BLTP3A: variants seen among roughly 807,000 people sequenced by gnomAD.
The protein encoded by BLTP3A is bridge-like lipid transfer protein family member 3A.
chr6:34,851,122 T>C, the BLTP3A span, among the ~76,000 whole-genome samples: 1 of 152,202 alleles, frequency 6.6e-6, no homozygotes, highest in Non-Finnish European at 1.5e-5. Flanking sequence ...AATTCTCTGT[T>C]ACTCCAGGTT....
the BLTP3A span, among the ~76,000 whole-genome samples, chr6:34,833,486 G>A: frequency 6.6e-6 from 1 of 151,288 alleles, no homozygotes; most frequent in Non-Finnish European, 1.5e-5. Flanking sequence ...TCTCTTTTCT[G>A]TAGTTATACT....
the BLTP3A span, among the ~76,000 whole-genome samples, chr6:34,811,093 T>C: frequency 2.0e-5 from 3 of 152,206 alleles, no homozygotes; most frequent in African/African-American, 4.8e-5. Flanking sequence ...CACACAAACA[T>C]AGACTGTGCG....
the BLTP3A span, among the ~76,000 whole-genome samples, chr6:34,844,400 G>A: frequency 1.3e-5 from 2 of 152,068 alleles, no homozygotes; most frequent in African/African-American, 2.4e-5. Context: ...TCACCCTCCC[G>A]AGTAGCTGGG....
chr6:34,868,311 A>AAT, the BLTP3A span, among the ~76,000 whole-genome samples: 21 of 149,352 alleles, frequency 1.4e-4, no homozygotes, highest in East Asian at 4.0e-4. Context: ...TGTCTCAAAA[A>AAT]ATATATATAT....
the BLTP3A span, chr6:34,870,863 T>C: frequency 6.2e-7 from 1 of 1,613,992 alleles, no homozygotes; most frequent in African/African-American, 1.3e-5. Flanking sequence ...GGTACATGCT[T>C]TCAGGAATCC....
At chr6:34,829,129 T>A in the BLTP3A span, among the ~76,000 whole-genome samples, 2 of 151,586 alleles carry the variant, frequency 1.3e-5, no homozygotes, top group Non-Finnish European at 2.9e-5. Context: ...ACCATAACAT[T>A]CATCCATGTG....
the BLTP3A span, among the ~76,000 whole-genome samples, chr6:34,868,572 A>G: frequency 2.0e-5 from 3 of 151,050 alleles, no homozygotes; most frequent in African/African-American, 2.4e-5. Context: ...AAATACAAAA[A>G]AATTAGCTAG....
At chr6:34,834,309 C>T in the BLTP3A span, 4 of 1,613,996 alleles carry the variant, frequency 2.5e-6, no homozygotes, top group African/African-American at 5.3e-5. Context: ...TTCCACGCTT[C>T]TTTTGAATTG....
chr6:34,852,089 C>T, the BLTP3A span, among the ~76,000 whole-genome samples: 2 of 151,902 alleles, frequency 1.3e-5, no homozygotes, highest in Admixed American at 6.6e-5. Context: ...AATCGGGGAC[C>T]CCAGGAGCCT....
the BLTP3A span, chr6:34,867,575 G>A: frequency 1.9e-6 from 3 of 1,613,728 alleles, no homozygotes; most frequent in Non-Finnish European, 1.7e-6. Context: ...CAGCAGCTGG[G>A]CACCGTGGGA....
chr6:34,863,658 A>G, the BLTP3A span, among the ~76,000 whole-genome samples: 1 of 152,306 alleles, frequency 6.6e-6, no homozygotes, highest in African/African-American at 2.4e-5. Context: ...TACTTATGGA[A>G]TGAATGCAGG....
chr6:34,858,431 A>G, the BLTP3A span: 1 of 1,614,040 alleles, frequency 6.2e-7, no homozygotes, highest in Non-Finnish European at 8.5e-7. Context: ...GCTTCCTGGG[A>G]TCTCTGGTCT....
At chr6:34,810,597 T>C in the BLTP3A span, among the ~76,000 whole-genome samples, 1 of 152,154 alleles carries the variant, frequency 6.6e-6, no homozygotes, top group Non-Finnish European at 1.5e-5. Flanking sequence ...GCCTACTGAG[T>C]AGCTGGGACC....
the BLTP3A span, among the ~76,000 whole-genome samples, chr6:34,826,029 T>C: frequency 8.3e-3 from 434 of 52,102 alleles, 17 homozygotes; most frequent in African/African-American, 0.069. Context: ...ATTTTGCATT[T>C]TTTTTTTTTT....
the BLTP3A span, chr6:34,864,169 G>A: frequency 6.2e-7 from 1 of 1,614,114 alleles, no homozygotes; most frequent in Non-Finnish European, 8.5e-7. Flanking sequence ...AGTGATGGCA[G>A]TGATAGCTTT....
chr6:34,858,912 G>A, the BLTP3A span: 1 of 1,614,066 alleles, frequency 6.2e-7, no homozygotes, highest in Admixed American at 1.7e-5. Flanking sequence ...AGGAGCAGCT[G>A]ACTAAGGATA....
the BLTP3A span, among the ~76,000 whole-genome samples, chr6:34,813,083 A>G: frequency 6.6e-6 from 1 of 152,136 alleles, no homozygotes; most frequent in African/African-American, 2.4e-5. Context: ...GGACCTTTTT[A>G]TTTCTCCCAG....
At chr6:34,841,113 G>A in the BLTP3A span, among the ~76,000 whole-genome samples, 1 of 152,036 alleles carries the variant, frequency 6.6e-6, no homozygotes, top group African/African-American at 2.4e-5. Flanking sequence ...GGGACTATAG[G>A]CACATGCCAC....
chr6:34,821,434 G>GC, the BLTP3A span: 2 of 409,316 alleles, frequency 4.9e-6, no homozygotes, highest in Non-Finnish European at 8.8e-6. Flanking sequence ...TGGTCTGAGT[G>GC]CATTTGTTCT....
Sources: gnomAD v4.1 joint callset for allele counts (sites outside exome capture counted in the v4.1 genomes callset) on GRCh38, gnomAD v4.1.1 for gene constraint, MANE v1.5 for transcripts, NCBI Gene and HGNC (gene_info 2026-07-23, HGNC 2026-07-21) for gene names.